BLTP3A: variants seen among roughly 807,000 people sequenced by gnomAD.
BLTP3A encodes the protein ICBP90 binding protein 1.
chr6:34,843,206 A>G, the BLTP3A span, among the ~76,000 whole-genome samples: 5 of 150,748 alleles, frequency 3.3e-5, no homozygotes, highest in African/African-American at 1.2e-4. Flanking sequence ...CTGGTCTTGA[A>G]CTCCTGAGCT....
At chr6:34,833,507 G>A in the BLTP3A span, among the ~76,000 whole-genome samples, 1 of 151,780 alleles carries the variant, frequency 6.6e-6, no homozygotes, top group South Asian at 2.1e-4. Context: ...TCCCCTCACA[G>A]ACATTATCTA....
At chr6:34,813,310 T>G in the BLTP3A span, among the ~76,000 whole-genome samples, 2 of 152,226 alleles carry the variant, frequency 1.3e-5, no homozygotes, top group African/African-American at 4.8e-5. Context: ...GCCATTTGTT[T>G]CCTCATTGGC....
chr6:34,819,197 A>G, the BLTP3A span, among the ~76,000 whole-genome samples: 1 of 149,902 alleles, frequency 6.7e-6, no homozygotes, highest in South Asian at 2.1e-4. Flanking sequence ...GTACATGTGC[A>G]CATTGTGCAG....
chr6:34,798,594 C>CTTTCTTTTTTTTTTTTT, the BLTP3A span, among the ~76,000 whole-genome samples: 1 of 94,500 alleles, frequency 1.1e-5, no homozygotes, highest in Non-Finnish European at 2.0e-5. Context: ...TTCTTTCTTT[C>CTTTCTTTTTTTTTTTTT]TTTTTTTTTT....
chr6:34,859,465 A>C, the BLTP3A span: 3 of 1,614,204 alleles, frequency 1.9e-6, no homozygotes, highest in Non-Finnish European at 2.5e-6. Flanking sequence ...ACATGCCACC[A>C]TGGACCTCAC....
chr6:34,832,678 T>C, the BLTP3A span, among the ~76,000 whole-genome samples: 1 of 151,946 alleles, frequency 6.6e-6, no homozygotes, highest in Non-Finnish European at 1.5e-5. Flanking sequence ...CTCAAACTCC[T>C]GGGCTCAAAT....
the BLTP3A span, among the ~76,000 whole-genome samples, chr6:34,831,838 C>T: frequency 9.2e-5 from 14 of 152,212 alleles, no homozygotes; most frequent in South Asian, 8.3e-4. Context: ...TCTTTTGAGA[C>T]GGAGCCTCGC....
At chr6:34,826,461 C>T in the BLTP3A span, among the ~76,000 whole-genome samples, 38 of 150,774 alleles carry the variant, frequency 2.5e-4, no homozygotes, top group African/African-American at 9.1e-4. Context: ...TGGGCTCAAG[C>T]GATTCTCCCA....
chr6:34,851,964 C>T, the BLTP3A span, among the ~76,000 whole-genome samples: 1 of 152,174 alleles, frequency 6.6e-6, no homozygotes, highest in African/African-American at 2.4e-5. Context: ...GGCCCAAGAG[C>T]TCTTCAGTCA....
the BLTP3A span, among the ~76,000 whole-genome samples, chr6:34,847,980 C>T: frequency 1.6e-5 from 2 of 128,468 alleles, no homozygotes; most frequent in Admixed American, 8.9e-5. Flanking sequence ...GATGCAGTGG[C>T]GTAATCTCAG....
At chr6:34,868,905 A>C in the BLTP3A span, among the ~76,000 whole-genome samples, 1 of 152,022 alleles carries the variant, frequency 6.6e-6, no homozygotes, top group Admixed American at 6.6e-5. Context: ...AAAACATTAA[A>C]ATATTGAGTA....
the BLTP3A span, among the ~76,000 whole-genome samples, chr6:34,806,555 G>A: frequency 6.6e-6 from 1 of 152,176 alleles, no homozygotes; most frequent in Admixed American, 6.5e-5. Context: ...ACTAACGACA[G>A]CCTTACTGTA....
the BLTP3A span, among the ~76,000 whole-genome samples, chr6:34,810,674 G>A: frequency 2.0e-5 from 3 of 152,050 alleles, no homozygotes; most frequent in Non-Finnish European, 2.9e-5. Flanking sequence ...TCACTATGTT[G>A]CCCAGGCTGG....
At chr6:34,836,219 A>T in the BLTP3A span, 33 of 1,614,134 alleles carry the variant, frequency 2.0e-5, no homozygotes, top group Non-Finnish European at 2.8e-5. Context: ...CAGCCAGGGC[A>T]ACAGCAACAG....
the BLTP3A span, chr6:34,834,898 T>C: frequency 1.3e-6 from 2 of 1,599,084 alleles, no homozygotes; most frequent in East Asian, 4.5e-5. Flanking sequence ...AACTTCCATC[T>C]CTTATTCTAT....
chr6:34,840,704 C>T, the BLTP3A span, among the ~76,000 whole-genome samples: 2 of 151,820 alleles, frequency 1.3e-5, no homozygotes, highest in African/African-American at 4.8e-5. Context: ...CAAGCTCTGC[C>T]TCCCGGGTTC....
the BLTP3A span, among the ~76,000 whole-genome samples, chr6:34,866,434 G>A: frequency 6.6e-6 from 1 of 151,862 alleles, no homozygotes; most frequent in East Asian, 1.9e-4. Flanking sequence ...AGAACTCGTG[G>A]CCATTTTTGT....
At chr6:34,871,111 C>T in the BLTP3A span, 1 of 1,611,242 alleles carries the variant, frequency 6.2e-7, no homozygotes. Flanking sequence ...CAGCATCACC[C>T]TAAAGGTGTG....
At chr6:34,815,477 T>C in the BLTP3A span, among the ~76,000 whole-genome samples, 1 of 152,048 alleles carries the variant, frequency 6.6e-6, no homozygotes, top group Non-Finnish European at 1.5e-5. Context: ...CTTGAACTCC[T>C]GACCTCAGGT....
Sources: gnomAD v4.1 joint callset for allele counts (sites outside exome capture counted in the v4.1 genomes callset) on GRCh38, gnomAD v4.1.1 for gene constraint, MANE v1.5 for transcripts, NCBI Gene and HGNC (gene_info 2026-07-23, HGNC 2026-07-21) for gene names.